SORCS3: variants seen among roughly 807,000 people sequenced by gnomAD.
SORCS3 encodes the protein VPS10 domain-containing receptor SorCS3.
A neutral mutation model predicts 146.3 loss-of-function variants in SORCS3; 57 were observed. The ratio of observed to expected loss-of-function variants is 0.39; its 90% confidence interval spans 0.31 to 0.49. The LOEUF (loss-of-function observed/expected upper bound fraction) is 0.49. Among genes scored for constraint, SORCS3 ranks in the 20% least tolerant of loss-of-function variants. SORCS3 has a pLI of 0.92. For missense variants in SORCS3, 1,341 were observed against 1,575.5 expected (o/e 0.85, Z 2.52); for synonymous variants, 653 against 618.5 (o/e 1.06, Z -0.83).
At chr10:104,944,459 T>C (rs895048631) in intron 3 of SORCS3, among the ~76,000 whole-genome samples, 2 of 152,310 alleles carry the variant, frequency 1.3e-5, no homozygotes, top group Non-Finnish European at 2.9e-5. Context: ...GCAGTGTCTG[T>C]ATCTGGCAGA....
intron 6 of SORCS3, among the ~76,000 whole-genome samples, chr10:105,103,140 A>G (rs1240994675): frequency 2.0e-5 from 3 of 152,118 alleles, no homozygotes; most frequent in Non-Finnish European, 4.4e-5. Context: ...TTCTTTTTGC[A>G]TATGAATTCT....
intron 3 of SORCS3, among the ~76,000 whole-genome samples, chr10:104,934,834 A>G (rs558760815): frequency 5.3e-5 from 8 of 152,206 alleles, no homozygotes; most frequent in Admixed American, 6.5e-5. Context: ...ACTTAATACT[A>G]TCTGTGAAAA....
intron 3 of SORCS3, among the ~76,000 whole-genome samples, chr10:104,953,403 T>C (rs1448220640): frequency 6.6e-6 from 1 of 152,244 alleles, no homozygotes; most frequent in Non-Finnish European, 1.5e-5. Context: ...AAAACGGTGA[T>C]GCTCAACCTC....
intron 16 of SORCS3, among the ~76,000 whole-genome samples, chr10:105,208,352 A>G (rs1371069163): frequency 6.6e-6 from 1 of 151,554 alleles, no homozygotes; most frequent in African/African-American, 2.4e-5. Context: ...GAGAGGAAAA[A>G]AAAAAAAAAA....
intron 1 of SORCS3, among the ~76,000 whole-genome samples, chr10:104,775,701 C>T (rs540848082): frequency 3.9e-5 from 6 of 152,150 alleles, no homozygotes; most frequent in Non-Finnish European, 8.8e-5. Context: ...TTGGCAGCAC[C>T]ATAGTTGAAA....
chr10:104,713,161 C>A (rs912641631), intron 1 of SORCS3, among the ~76,000 whole-genome samples: 4 of 151,422 alleles, frequency 2.6e-5, no homozygotes, highest in African/African-American at 9.7e-5. Context: ...AGTGTGGGTG[C>A]GTGCATGCAT....
At chr10:104,927,060 C>A (rs1316282487) in intron 3 of SORCS3, among the ~76,000 whole-genome samples, 1 of 152,046 alleles carries the variant, frequency 6.6e-6, no homozygotes. Context: ...TATGTTTGCT[C>A]AATATCTTTT....
intron 7 of SORCS3, among the ~76,000 whole-genome samples, chr10:105,113,475 C>G (rs778178796): frequency 5.9e-5 from 9 of 152,142 alleles, no homozygotes; most frequent in Non-Finnish European, 1.0e-4. Flanking sequence ...TTACCCTCTC[C>G]TGGTTGCCCC....
chr10:105,178,003 C>T (rs939500548), intron 13 of SORCS3, 63 bp from the exon 14 acceptor site: 20 of 1,242,552 alleles, frequency 1.6e-5, no homozygotes, highest in Middle Eastern at 1.9e-4. Flanking sequence ...ACCTGAAAAA[C>T]GGTTACAGAA....
intron 2 of SORCS3, among the ~76,000 whole-genome samples, chr10:104,903,465 A>G (rs1479565698): frequency 6.6e-6 from 1 of 152,158 alleles, no homozygotes; most frequent in Non-Finnish European, 1.5e-5. Flanking sequence ...AAGATAACAG[A>G]AGAGCACGGT....
intron 1 of SORCS3, among the ~76,000 whole-genome samples, chr10:104,702,322 C>T (rs150039659): frequency 4.6e-4 from 70 of 152,288 alleles, no homozygotes; most frequent in Non-Finnish European, 8.8e-4. Flanking sequence ...CTCTCTTTGT[C>T]GCCCAGGCTG....
At chr10:105,002,252 G>A (rs931427370) in intron 4 of SORCS3, among the ~76,000 whole-genome samples, 10 of 152,198 alleles carry the variant, frequency 6.6e-5, no homozygotes, top group African/African-American at 2.4e-4. Flanking sequence ...GAGACCAAGA[G>A]ATTCACCCTG....
intron 1 of SORCS3, among the ~76,000 whole-genome samples, chr10:104,790,918 A>C (rs2017488953): frequency 6.6e-6 from 1 of 152,220 alleles, no homozygotes; most frequent in African/African-American, 2.4e-5. Context: ...GAGGTCCATG[A>C]CTACTTGAAC....
chr10:105,259,980 A>AG (rs2056951565), intron 25 of SORCS3, among the ~76,000 whole-genome samples: 1 of 152,212 alleles, frequency 6.6e-6, no homozygotes, highest in Non-Finnish European at 1.5e-5. Flanking sequence ...AGTGGAGTTC[A>AG]GACTTATATT....
At chr10:105,191,324 A>G (rs2056515737) in intron 14 of SORCS3, among the ~76,000 whole-genome samples, 1 of 152,222 alleles carries the variant, frequency 6.6e-6, no homozygotes, top group Non-Finnish European at 1.5e-5. Flanking sequence ...AGCAAGGAGG[A>G]AAGATCAGAG....
intron 1 of SORCS3, among the ~76,000 whole-genome samples, chr10:104,801,568 T>C (rs902046465): frequency 6.6e-6 from 1 of 152,158 alleles, no homozygotes; most frequent in Non-Finnish European, 1.5e-5. Flanking sequence ...GCTGTGAACA[T>C]AGTGAGGACT....
rs1246566974 is a variant in SORCS3 at position 104,656,396 on chromosome 10, C to T, written c.627+14442C>T. On this transcript the variant is annotated intron_variant, in intron 1 of 26. Coordinates refer to ENST00000369701, the MANE Select transcript of SORCS3 (RefSeq NM_014978.3). ...GGGTGGCCTGGCCTGGTGGCTTATG[C>T]GTGCAATTCTAGCACTTTGGGAGGC... is the stretch of plus-strand genomic sequence containing the variant. 5.3e-5 allele frequency among the ~76,000 whole-genome samples: 8 copies of T among 152,078 alleles called. No individual in the cohort carries two copies. The South Asian group carries it at 1.5e-3, about 28-fold the overall frequency.
At chr10:104,805,678 G>A (rs748913832) in intron 1 of SORCS3, among the ~76,000 whole-genome samples, 18 of 152,194 alleles carry the variant, frequency 1.2e-4, no homozygotes, top group Non-Finnish European at 1.9e-4. Flanking sequence ...GACATCCAGA[G>A]TAGGGAAGGG....
chr10:104,801,320 G>A (rs138321423), intron 1 of SORCS3, among the ~76,000 whole-genome samples: 3 of 152,348 alleles, frequency 2.0e-5, no homozygotes, highest in South Asian at 2.1e-4. Context: ...GGAAGGCAGC[G>A]TAGGGGAGTG....
Sources: gnomAD v4.1 joint callset for allele counts (sites outside exome capture counted in the v4.1 genomes callset) on GRCh38, gnomAD v4.1.1 for gene constraint, MANE v1.5 for transcripts, NCBI Gene and HGNC (gene_info 2026-07-23, HGNC 2026-07-21) for gene names.